HAPLN2: variants seen among roughly 807,000 people sequenced by gnomAD.
HAPLN2 encodes the protein brain link protein-1.
A neutral mutation model predicts 29.3 loss-of-function variants in HAPLN2; 27 were observed. The observed-to-expected ratio is 0.92, with a 90% confidence interval of 0.68 to 1.27. The LOEUF (loss-of-function observed/expected upper bound fraction) is 1.27, where lower values mean the gene tolerates loss of function less well. Ranked by LOEUF, HAPLN2 falls within the 50% of genes most tolerant of loss-of-function variation. The pLI, the probability that HAPLN2 is intolerant of heterozygous loss-of-function variation, is 0.00. For synonymous variants in HAPLN2, 208 were observed against 211.7 expected (o/e 0.98, Z 0.15); for missense variants, 454 against 484.3 (o/e 0.94, Z 0.59).
the HAPLN2 span, chr1:156,601,557 C>A: frequency 4.9e-6 from 6 of 1,220,710 alleles, no homozygotes; most frequent in Middle Eastern, 2.0e-4. Flanking sequence ...CCAGGAGAAA[C>A]CATTGCGGAG....
upstream of HAPLN2, among the ~76,000 whole-genome samples, chr1:156,618,635 C>T (rs927779627): frequency 2.0e-5 from 3 of 151,780 alleles, no homozygotes; most frequent in South Asian, 2.1e-4. Flanking sequence ...AAAAATTAGC[C>T]GGGTGTGGTG....
At chr1:156,621,354 C>T (rs1244705069) in intron 2 of HAPLN2, among the ~76,000 whole-genome samples, 1 of 151,946 alleles carries the variant, frequency 6.6e-6, no homozygotes, top group Non-Finnish European at 1.5e-5. Context: ...ATCCACCCGC[C>T]TCAGCCTTCC....
Position 156,623,667 on chromosome 1 carries a change from GGGA to G in HAPLN2, c.85+93_85+95del. The G allele has an allele frequency of 2.6e-6, 4 of 1,563,056 alleles. No individual in the cohort carries two copies. In the Admixed American group the frequency reaches 7.6e-5, roughly 30 times the overall value. The stretch of plus-strand genomic sequence containing the variant: ...AAAGGGCAGTTGTTGCAGGTACCCA[GGGA>G]CTGAAAGTCATTGCTGAGAAGGCAA... On this transcript the variant is annotated intron_variant, in intron 3 of 6. Coordinates refer to ENST00000255039, the MANE Select transcript of HAPLN2 (RefSeq NM_021817.3).
At chr1:156,603,533 A>G in the HAPLN2 span, among the ~76,000 whole-genome samples, 1 of 151,938 alleles carries the variant, frequency 6.6e-6, no homozygotes. Flanking sequence ...GTATGTACAT[A>G]TACATATACA....
chr1:156,623,191 G>A (rs1039658537), intron 2 of HAPLN2, among the ~76,000 whole-genome samples: 3 of 152,080 alleles, frequency 2.0e-5, no homozygotes, highest in African/African-American at 7.2e-5. Context: ...AGCTTGGGAA[G>A]TAGCACTTGT....
chr1:156,608,340 C>T, the HAPLN2 span, among the ~76,000 whole-genome samples: 5 of 152,066 alleles, frequency 3.3e-5, no homozygotes, highest in South Asian at 2.1e-4. Flanking sequence ...TCATTCTCTC[C>T]GATCTGGATG....
upstream of HAPLN2, among the ~76,000 whole-genome samples, chr1:156,617,106 G>GAAAC (rs535830462): frequency 2.3e-3 from 352 of 151,426 alleles, 1 homozygote; most frequent in Middle Eastern, 6.8e-3. Flanking sequence ...AAGAAAGAAA[G>GAAAC]AAAGAAAAGT....
chr1:156,623,430 C>G, intron 2 of HAPLN2, 37 bp from the exon 3 acceptor site: 1 of 1,571,016 alleles, frequency 6.4e-7, no homozygotes, highest in Admixed American at 1.7e-5. Flanking sequence ...CCCTTTTGCC[C>G]CAGTCCTAAG....
At position 156,623,460 on chromosome 1, in the gene HAPLN2, C is replaced by A; in HGVS notation, c.-24-7C>A. On this transcript the variant is annotated splice_polypyrimidine_tract_variant and splice_region_variant and intron_variant, in intron 2 of 6. Coordinates refer to ENST00000255039, the MANE Select transcript of HAPLN2 (RefSeq NM_021817.3). ...CCTAAGAACTGCCCACTCTTTGTGC[C>A]CTGCAGACGGTGCCGGGCTGACCCC... The A allele has an allele frequency of 6.2e-7, 1 of 1,612,000 alleles. No homozygotes were observed. Among genetic ancestry groups the A allele is most frequent in the Non-Finnish European group, 8.5e-7 (1 of 1,179,000 alleles).
upstream of HAPLN2, among the ~76,000 whole-genome samples, chr1:156,617,110 G>GAAAA (rs35462606): frequency 6.6e-6 from 1 of 151,318 alleles, no homozygotes; most frequent in Non-Finnish European, 1.5e-5. Flanking sequence ...AAGAAAGAAA[G>GAAAA]AAAAGTATAT....
At chr1:156,605,598 C>CA in the HAPLN2 span, among the ~76,000 whole-genome samples, 51,052 of 64,174 alleles carry the variant, frequency 0.8, 21,065 homozygotes, top group Admixed American at 0.87. Flanking sequence ...GACTTGGTCT[C>CA]AAAAAAAAAA....
chr1:156,613,218 G>A, the HAPLN2 span, among the ~76,000 whole-genome samples: 2 of 152,086 alleles, frequency 1.3e-5, no homozygotes, highest in Non-Finnish European at 2.9e-5. Context: ...GAGCGTGGTG[G>A]TGCACACCTG....
chr1:156,625,407 C>T lies in HAPLN2; in HGVS notation c.*23C>T. On this transcript the variant is annotated 3_prime_UTR_variant, in exon 7 of 7. Transcript: ENST00000255039. This position sits in a 1 kb window ranked among gnomAD's most constrained non-coding sequence, Gnocchi z 5.7. ...TAGGCGCCCACCGTGTCCCCTCCAG[C>T]GCGCGCGAAGAAGCTTGGGAGTCGT... is the stretch of plus-strand genomic sequence containing the variant. The T allele has an allele frequency of 6.4e-7, 1 of 1,554,218 alleles. No individual in the cohort carries two copies. The highest frequency in any genetic ancestry group is 8.7e-7 in the Non-Finnish European group (1 of 1,149,920).
At chr1:156,615,384 T>A (rs1285455477), upstream of HAPLN2, 2 of 152,130 alleles carry the variant, frequency 1.3e-5, no homozygotes, top group Non-Finnish European at 2.9e-5. Context: ...TGTTGCTGCC[T>A]TTTGGCCCTG....
intron 2 of HAPLN2, among the ~76,000 whole-genome samples, chr1:156,620,884 C>T (rs980894158): frequency 6.6e-6 from 1 of 152,302 alleles, no homozygotes; most frequent in South Asian, 2.1e-4. Flanking sequence ...ACATTCCAGA[C>T]ACTATTTCAA....
chr1:156,625,618 C>G lies in HAPLN2; in HGVS notation c.*234C>G. Reference sequence around the variant, plus strand: ...CAGAGGTGACCCTCGGACCCGCTGCCGTTCGCGAACCCTAGCAGAGGACTC... The same window carrying G: ...CAGAGGTGACCCTCGGACCCGCTGCGGTTCGCGAACCCTAGCAGAGGACTC... On this transcript the variant is annotated 3_prime_UTR_variant, in exon 7 of 7. Transcript: ENST00000255039. This position sits in a 1 kb window ranked among gnomAD's most constrained non-coding sequence, Gnocchi z 5.7. 1 of 460,130 alleles carries G rather than the reference C, an allele frequency of 2.2e-6. No individual in the cohort carries two copies. Among genetic ancestry groups the G allele is most frequent in the Non-Finnish European group, 3.8e-6 (1 of 264,628 alleles). 28.5% of individuals were successfully genotyped at this position (460,130 alleles called of 1,614,324 possible). A position where few individuals can be genotyped will look rare whatever the true frequency, so the allele number is the denominator to read the frequency against.
the HAPLN2 span, among the ~76,000 whole-genome samples, chr1:156,610,600 A>G: frequency 1.7e-3 from 252 of 151,962 alleles, 1 homozygote; most frequent in African/African-American, 5.9e-3. Flanking sequence ...AGATCGCGCC[A>G]TTGCACTCCA....
chr1:156,623,034 A>AAAAAAAAAAAAAAAAT (rs1162683505), intron 2 of HAPLN2, among the ~76,000 whole-genome samples: 12 of 111,664 alleles, frequency 1.1e-4, no homozygotes, highest in Middle Eastern at 3.6e-3. Flanking sequence ...ACTCTGTCTC[A>AAAAAAAAAAAAAAAAT]AAAAAATAAA....
At chr1:156,615,247 A>G (rs1678029521), upstream of HAPLN2, 2 of 152,202 alleles carry the variant, frequency 1.3e-5, no homozygotes, top group Non-Finnish European at 2.9e-5. Flanking sequence ...AGCAGCTGTA[A>G]AGGTTTGTAC....
Sources: allele counts gnomAD v4.1 joint callset (sites outside exome capture counted in the v4.1 genomes callset), GRCh38; gene constraint gnomAD v4.1.1; non-coding constraint Gnocchi (gnomAD v3.1); transcripts MANE v1.5; gene names NCBI Gene and HGNC (gene_info 2026-07-23, HGNC 2026-07-21).